POLB: variants seen among roughly 807,000 people sequenced by gnomAD.
POLB encodes DNA polymerase beta, also known as 5'-dRP lyase.
In POLB, 37 loss-of-function variants were observed where a neutral mutation model predicts 52.7. The observed-to-expected ratio is 0.70, with a 90% CI of 0.54 to 0.92. POLB has a LOEUF of 0.92. Ranked by LOEUF, POLB falls within the 40% of genes least tolerant of loss-of-function variation. POLB has a pLI of 0.00. For synonymous variants in POLB, 138 were observed against 131.3 expected, an observed-to-expected ratio of 1.05 and a Z score of -0.35; for missense variants, 313 against 400.8, an observed-to-expected ratio of 0.78 and a Z score of 1.87.
chr8:42,356,015 A>G (rs1823293867), intron 7 of POLB, among the ~76,000 whole-genome samples: 1 of 152,240 alleles, frequency 6.6e-6, no homozygotes, highest in Admixed American at 6.5e-5. Context: ...CTCATACCTA[A>G]ATAACCATAT....
chr8:42,339,292 G>T, intron 2 of POLB: 1 of 545,964 alleles, frequency 1.8e-6, no homozygotes, highest in Non-Finnish European at 3.3e-6. Flanking sequence ...GCTGTAGCCT[G>T]ATACGTATTT....
At position 42,364,795 on chromosome 8, in the gene POLB, G is replaced by A. The variant is rs75134839; in HGVS notation, c.708+2097G>A. Among the ~76,000 whole-genome samples the A allele has an allele frequency of 1.3e-3, 192 of 152,294 alleles. 1 individual carries two copies. The highest frequency in any genetic ancestry group is 3.4e-3 in the Middle Eastern group (1 of 294). ...GGTGTTTGCCAGGGCCTGGAAGGAG[G>A]GGGTAATAGGGAGTTCCTGTTTAAA... On this transcript the variant is annotated intron_variant, in intron 11 of 13. Transcript: ENST00000265421.
intron 2 of POLB, among the ~76,000 whole-genome samples, chr8:42,343,345 A>AAAAATATATAT (rs1554531633): frequency 3.0e-5 from 1 of 33,066 alleles, no homozygotes; most frequent in African/African-American, 5.9e-5. Flanking sequence ...AAAAAAAAAA[A>AAAAATATATAT]ATATATATAT....
At chr8:42,369,816 TA>T in intron 12 of POLB, 32 bp from the exon 13 acceptor site, 7 of 1,490,036 alleles carry the variant, frequency 4.7e-6, no homozygotes, top group Non-Finnish European at 5.5e-6. Context: ...AAATGCATGG[TA>T]AAAAAATGTA....
chr8:42,370,501 T>C (rs1008883219), intron 13 of POLB, among the ~76,000 whole-genome samples: 5 of 152,130 alleles, frequency 3.3e-5, no homozygotes, highest in Non-Finnish European at 7.4e-5. Flanking sequence ...ATTTTTGTCA[T>C]TTTGTCCTCA....
intron 2 of POLB, among the ~76,000 whole-genome samples, chr8:42,343,369 T>TATATATATATATACACAC (rs761101423): frequency 2.5e-4 from 9 of 36,286 alleles, no homozygotes; most frequent in Non-Finnish European, 5.9e-4. Flanking sequence ...TATATATATA[T>TATATATATATATACACAC]ACACAAAATT....
At position 42,338,596 on chromosome 8, in the gene POLB, C is replaced by A; in HGVS notation, c.-29C>A. 1 of 1,607,704 alleles carries A rather than the reference C, an allele frequency of 6.2e-7. No individual in the cohort carries two copies. Among genetic ancestry groups the A allele is most frequent in the Non-Finnish European group, 8.5e-7 (1 of 1,174,126 alleles). On this transcript the variant is annotated 5_prime_UTR_variant, in exon 1 of 14. Coordinates refer to ENST00000265421, the MANE Select transcript of POLB (RefSeq NM_002690.3). ...GAGGGCTCTAGTCCCTGGTTCTGAA[C>A]ACTCTGGGGTTCTCGGGTGCAGGCC... is the stretch of plus-strand genomic sequence containing the variant.
intron 11 of POLB, among the ~76,000 whole-genome samples, chr8:42,366,279 T>A (rs1331258991): frequency 6.6e-6 from 1 of 152,166 alleles, no homozygotes; most frequent in Non-Finnish European, 1.5e-5. Flanking sequence ...GACCCTATCT[T>A]GACTTCCCTG....
intron 6 of POLB, 39 bp from the exon 7 acceptor site, chr8:42,355,476 AT>A: frequency 8.6e-7 from 1 of 1,167,540 alleles, no homozygotes; most frequent in Admixed American, 1.9e-5. Context: ...CCCAAAAAGC[AT>A]TTAAATTAAC....
At chr8:42,354,262 C>T (rs997745902) in intron 6 of POLB, among the ~76,000 whole-genome samples, 2 of 152,176 alleles carry the variant, frequency 1.3e-5, no homozygotes, top group East Asian at 1.9e-4. Flanking sequence ...TCTGTGTGCA[C>T]ATAACCATAG....
intron 11 of POLB, among the ~76,000 whole-genome samples, chr8:42,364,815 T>A (rs989231254): frequency 6.6e-6 from 1 of 152,158 alleles, no homozygotes; most frequent in African/African-American, 2.4e-5. Context: ...GGAGTTCCTG[T>A]TTAAATGGCA....
chr8:42,361,383 A>G lies in POLB; in HGVS notation c.621+18A>G, dbSNP rs377054742. ...CCAAACAGGTGCCTCAGAGTTTATA[A>G]TCAATGGTGATCAGTCTTACACAAC... On this transcript the variant is annotated intron_variant, in intron 10 of 13. Coordinates refer to ENST00000265421, the MANE Select transcript of POLB (RefSeq NM_002690.3). The G allele has an allele frequency of 1.1e-4, 159 of 1,453,838 alleles. 1 individual carries two copies. The Middle Eastern group carries it at 3.1e-3, about 29-fold the overall frequency. 90.1% of individuals were successfully genotyped at this position (1,453,838 alleles called of 1,614,324 possible).
chr8:42,351,089 G>T (rs1244627757), intron 5 of POLB, among the ~76,000 whole-genome samples: 1 of 152,082 alleles, frequency 6.6e-6, no homozygotes, highest in Admixed American at 6.6e-5. Context: ...TGCCTAGGCT[G>T]GTCTTGAACT....
At chr8:42,338,938 A>G (rs1341342008) in intron 1 of POLB, 74 bp from the exon 2 acceptor site, 41 of 1,288,144 alleles carry the variant, frequency 3.2e-5, no homozygotes, top group Non-Finnish European at 4.5e-5. Context: ...AGGCTGCCAT[A>G]TCCCCTTCCA....
At chr8:42,370,461 G>A (rs1824313344) in intron 13 of POLB, among the ~76,000 whole-genome samples, 1 of 151,974 alleles carries the variant, frequency 6.6e-6, no homozygotes, top group Admixed American at 6.5e-5. Flanking sequence ...AGTATACTAT[G>A]TGGTTTACTG....
At chr8:42,369,240 C>G (rs1489673135) in intron 11 of POLB, 31 bp from the exon 12 acceptor site, 3 of 1,373,240 alleles carry the variant, frequency 2.2e-6, no homozygotes, top group Admixed American at 3.5e-5. Flanking sequence ...TTTAGAACAT[C>G]TTTAAACTTG....
intron 6 of POLB, among the ~76,000 whole-genome samples, chr8:42,353,350 T>G (rs1355476646): frequency 6.6e-6 from 1 of 151,752 alleles, no homozygotes; most frequent in Non-Finnish European, 1.5e-5. Flanking sequence ...CCTTGTGATC[T>G]GCCCACCTCG....
chr8:42,347,175 GGTT>G (rs950672184), intron 3 of POLB, among the ~76,000 whole-genome samples: 1 of 151,796 alleles, frequency 6.6e-6, no homozygotes, highest in Admixed American at 6.6e-5. Flanking sequence ...GCATAAGACT[GGTT>G]GTAAAAATCT....
intron 11 of POLB, among the ~76,000 whole-genome samples, chr8:42,364,466 T>C (rs1585914867): frequency 6.6e-6 from 1 of 152,268 alleles, no homozygotes; most frequent in Middle Eastern, 3.4e-3. Context: ...TCAGCTCAAG[T>C]GATCCACCCT....
Sources: allele counts gnomAD v4.1 joint callset (sites outside exome capture counted in the v4.1 genomes callset), GRCh38; gene constraint gnomAD v4.1.1; transcripts MANE v1.5; gene names NCBI Gene and HGNC (gene_info 2026-07-23, HGNC 2026-07-21).